ARHGAP32: variants seen among roughly 807,000 people sequenced by gnomAD.
ARHGAP32 encodes the protein rho GTPase-activating protein 32.
In ARHGAP32, 51 loss-of-function variants were observed where a neutral mutation model predicts 186.5. The ratio of observed to expected loss-of-function variants is 0.27; its 90% CI spans 0.22 to 0.35. The LOEUF is 0.35. Ranked by LOEUF, ARHGAP32 falls within the 10% of genes least tolerant of loss-of-function variation. The pLI, the probability that ARHGAP32 is intolerant of heterozygous loss-of-function variation, is 1.00. For missense variants in ARHGAP32, 2,186 were observed against 2,623.5 expected (o/e 0.83, Z 3.64); for synonymous variants, 950 against 964.3 (o/e 0.99, Z 0.27).
intron 12 of ARHGAP32, among the ~76,000 whole-genome samples, chr11:128,994,603 G>A (rs1197295266): frequency 4.6e-5 from 7 of 151,374 alleles, no homozygotes; most frequent in African/African-American, 1.7e-4. Flanking sequence ...ACAGGCATGA[G>A]CCACCACACC....
At chr11:129,132,770 T>C (rs113217391) in intron 2 of ARHGAP32, among the ~76,000 whole-genome samples, 1 of 152,102 alleles carries the variant, frequency 6.6e-6, no homozygotes, top group Non-Finnish European at 1.5e-5. Context: ...AAATCTGAAA[T>C]GAAACAGATT....
intron 1 of ARHGAP32, among the ~76,000 whole-genome samples, chr11:129,258,270 G>A (rs1945280318): frequency 1.3e-5 from 2 of 152,128 alleles, no homozygotes; most frequent in African/African-American, 4.8e-5. Flanking sequence ...CTAAAACTGA[G>A]TAAAAGATAC....
chr11:129,014,015 T>C (rs1938214817), intron 11 of ARHGAP32, among the ~76,000 whole-genome samples: 1 of 152,202 alleles, frequency 6.6e-6, no homozygotes, highest in African/African-American at 2.4e-5. Context: ...ATGATACCAA[T>C]GGTATTTCCA....
chr11:129,026,621 C>T (rs1252302180), intron 11 of ARHGAP32, among the ~76,000 whole-genome samples: 5 of 151,906 alleles, frequency 3.3e-5, no homozygotes, highest in African/African-American at 9.7e-5. Context: ...TGGTGAAACC[C>T]TGTCTCTACT....
chr11:129,224,859 C>T (rs1041142595), intron 1 of ARHGAP32, among the ~76,000 whole-genome samples: 1 of 151,464 alleles, frequency 6.6e-6, no homozygotes, highest in Non-Finnish European at 1.5e-5. Context: ...TGCCTGTTAT[C>T]CCAACACTCT....
At chr11:129,155,659 T>G (rs1943385643) in intron 2 of ARHGAP32, among the ~76,000 whole-genome samples, 1 of 152,134 alleles carries the variant, frequency 6.6e-6, no homozygotes, top group African/African-American at 2.4e-5. Context: ...AATGGTGAGT[T>G]TATCAAATCA....
intron 2 of ARHGAP32, among the ~76,000 whole-genome samples, chr11:129,160,470 A>C (rs994331127): frequency 6.6e-6 from 1 of 152,234 alleles, no homozygotes; most frequent in Admixed American, 6.5e-5. Flanking sequence ...AGACAAACAG[A>C]GAGCCAAATC....
intron 10 of ARHGAP32, among the ~76,000 whole-genome samples, chr11:129,050,499 C>T (rs919769832): frequency 6.6e-6 from 1 of 152,194 alleles, no homozygotes; most frequent in African/African-American, 2.4e-5. Context: ...TGCTACTGAG[C>T]TTGCCCAGTG....
chr11:129,050,954 C>G (rs1940017268), intron 10 of ARHGAP32, among the ~76,000 whole-genome samples: 1 of 152,196 alleles, frequency 6.6e-6, no homozygotes, highest in Admixed American at 6.5e-5. Context: ...ATCCATGTCC[C>G]TGCAAAGGAC....
intron 1 of ARHGAP32, among the ~76,000 whole-genome samples, chr11:129,262,187 A>G (rs9971468): frequency 0.31 from 46,928 of 152,068 alleles, 7,585 homozygotes; most frequent in Middle Eastern, 0.4. Context: ...TGCGCCAAAA[A>G]AAAAGTCTGT....
intron 6 of ARHGAP32, among the ~76,000 whole-genome samples, chr11:129,076,778 C>T (rs911920174): frequency 3.9e-5 from 6 of 152,154 alleles, no homozygotes; most frequent in Non-Finnish European, 7.3e-5. Flanking sequence ...AGATCCCACT[C>T]GGACAGACAG....
intron 11 of ARHGAP32, among the ~76,000 whole-genome samples, chr11:129,031,945 G>A (rs1349283868): frequency 6.6e-6 from 1 of 152,166 alleles, no homozygotes; most frequent in African/African-American, 2.4e-5. Context: ...CTTCAGAGGA[G>A]AGTTCAGCTG....
chr11:129,076,083 G>T (rs1941033699), intron 6 of ARHGAP32, among the ~76,000 whole-genome samples: 1 of 152,092 alleles, frequency 6.6e-6, no homozygotes, highest in African/African-American at 2.4e-5. Context: ...TAATGTACTA[G>T]CACGCTAAAA....
chr11:129,163,733 T>A (rs767512462), intron 2 of ARHGAP32, among the ~76,000 whole-genome samples: 12 of 152,186 alleles, frequency 7.9e-5, no homozygotes, highest in Non-Finnish European at 1.8e-4. Context: ...TTCTTTAACA[T>A]TTTAAGTCAG....
intron 5 of ARHGAP32, among the ~76,000 whole-genome samples, chr11:129,104,667 A>G (rs1234555462): frequency 6.6e-6 from 1 of 151,852 alleles, no homozygotes; most frequent in Non-Finnish European, 1.5e-5. Flanking sequence ...AAGCAAGGAG[A>G]TAAGAAGAAA....
At chr11:128,971,352 A>G (rs1236111255) in intron 22 of ARHGAP32, 193 bp from the exon 23 acceptor site, 43 of 535,718 alleles carry the variant, frequency 8.0e-5, no homozygotes, top group Middle Eastern at 4.8e-4. Flanking sequence ...AACACCCAGT[A>G]TTATCTTTGG....
rs539020431 is a variant in ARHGAP32 at position 129,241,294 on chromosome 11, T to C, written c.-5+37852A>G. Among the ~76,000 whole-genome samples the C allele has an allele frequency of 6.6e-5, 10 of 152,204 alleles. 1 individual carries two copies. In the East Asian group the frequency reaches 1.9e-3, roughly 29 times the overall value. ...TTAAATTTCCTTTTATTTGGAAAGG[T>C]AAGAAAAAATAAAATTTGCATCAAG... On this transcript the variant is annotated intron_variant, in intron 1 of 6. Transcript: ENST00000525234.
intron 10 of ARHGAP32, among the ~76,000 whole-genome samples, chr11:129,054,025 CT>C (rs1443377821): frequency 1.3e-5 from 2 of 151,640 alleles, no homozygotes; most frequent in Non-Finnish European, 1.5e-5. Flanking sequence ...GATGATTTCT[CT>C]AAAACTAAGT....
upstream of ARHGAP32, among the ~76,000 whole-genome samples, chr11:129,196,964 G>A (rs937418860): frequency 1.3e-5 from 2 of 152,118 alleles, no homozygotes; most frequent in Non-Finnish European, 2.9e-5. Context: ...GGCTGAGGCA[G>A]GAGAATAGCT....
Sources: allele counts gnomAD v4.1 joint callset (sites outside exome capture counted in the v4.1 genomes callset), GRCh38; gene constraint gnomAD v4.1.1; transcripts MANE v1.5; gene names NCBI Gene and HGNC (gene_info 2026-07-23, HGNC 2026-07-21).